NAPEPLD: variants seen among roughly 807,000 people sequenced by gnomAD.
NAPEPLD encodes the protein N-acyl phosphatidylethanolamine phospholipase D.
In NAPEPLD, 23 loss-of-function variants were observed where a neutral mutation model predicts 38.1. The observed-to-expected ratio is 0.60, with a 90% CI of 0.43 to 0.86. The LOEUF is 0.86. Among genes scored for constraint, NAPEPLD ranks in the 40% least tolerant of loss-of-function variants. NAPEPLD has a pLI of 0.00. For missense variants in NAPEPLD, 411 were observed against 476.8 expected (o/e 0.86, Z 1.28); for synonymous variants, 147 against 162.0 (o/e 0.91, Z 0.71).
At chr7:103,130,664 G>A (rs1236751314) in intron 1 of NAPEPLD, among the ~76,000 whole-genome samples, 3 of 151,968 alleles carry the variant, frequency 2.0e-5, no homozygotes, top group African/African-American at 4.8e-5. Flanking sequence ...GCTCAATCAC[G>A]GCTCATTGCA....
At chr7:103,117,789 T>G (rs1049266594) in intron 3 of NAPEPLD, among the ~76,000 whole-genome samples, 6 of 152,226 alleles carry the variant, frequency 3.9e-5, no homozygotes, top group African/African-American at 1.4e-4. Flanking sequence ...TAAATTTGGT[T>G]GTACATATTT....
At chr7:103,120,707 T>TTTC (rs1270646402) in intron 2 of NAPEPLD, among the ~76,000 whole-genome samples, 2 of 106,744 alleles carry the variant, frequency 1.9e-5, no homozygotes, top group South Asian at 3.4e-4. Context: ...TTTTCTTTTT[T>TTTC]TTTTTTTTTT....
chr7:103,148,282 C>G (rs576668506), intron 1 of NAPEPLD, among the ~76,000 whole-genome samples: 29 of 152,050 alleles, frequency 1.9e-4, no homozygotes, highest in African/African-American at 7.0e-4. Flanking sequence ...CATATTATAA[C>G]ATGTATATAT....
Position 103,128,655 on chromosome 7 carries a change from C to G in NAPEPLD, c.122G>C (p.Arg41Thr), listed in dbSNP as rs947585444. 16 of 1,614,008 alleles carry G rather than the reference C, an allele frequency of 9.9e-6. No homozygotes were observed. In the African/African-American group the frequency reaches 2.0e-4, roughly 20 times the overall value. Residue 41 changes from arginine (R) to threonine (T), a missense_variant, in exon 2 of 5, where the codon AGG (arginine) becomes ACG (threonine). Physicochemically the swap from Arg to Thr is moderately conservative, Grantham distance 71. Transcript: ENST00000465647. ...TCTATAATCCAGTTTGAAGCTTTTC[C>G]TAGAAAACCTAGAAGAATCACTTGC... is the stretch of plus-strand genomic sequence containing the variant. ...SGASDSSRFS[R>T]KSFKLDYRLE... is the part of the protein sequence containing the mutation.
intron 1 of NAPEPLD, chr7:103,129,187 C>A: frequency 2.4e-6 from 1 of 424,606 alleles, no homozygotes; most frequent in Non-Finnish European, 3.2e-6. Flanking sequence ...ATCGCTTGAA[C>A]CCTGGAGGTG....
At chr7:103,134,592 G>A (rs1394258916) in intron 1 of NAPEPLD, among the ~76,000 whole-genome samples, 1 of 152,156 alleles carries the variant, frequency 6.6e-6, no homozygotes, top group Non-Finnish European at 1.5e-5. Context: ...AGAGGTTGCA[G>A]TGAGCCGAGA....
chr7:103,119,230 A>C (rs924945507), intron 3 of NAPEPLD, among the ~76,000 whole-genome samples: 1 of 152,204 alleles, frequency 6.6e-6, no homozygotes, highest in African/African-American at 2.4e-5. Context: ...TTTTTAACTC[A>C]TATGACTATA....
chr7:103,145,207 A>C (rs1039078395), intron 1 of NAPEPLD, among the ~76,000 whole-genome samples: 2 of 152,340 alleles, frequency 1.3e-5, no homozygotes, highest in Admixed American at 6.5e-5. Flanking sequence ...GTGGCTAAGC[A>C]AAAGAAAAAA....
rs972506044 is a variant in NAPEPLD at position 103,148,705 on chromosome 7, G to A, written c.-17+106C>T. 16 of 639,920 alleles carry A rather than the reference G, an allele frequency of 2.5e-5. No individual in the cohort carries two copies. The African/African-American group carries it at 3.0e-4, about 12-fold the overall frequency. 39.6% of individuals were successfully genotyped at this position (639,920 alleles called of 1,614,324 possible). The stretch of plus-strand genomic sequence containing the variant: ...AAAATAAAAGGGGAGAAACCTGTTG[G>A]AATGGATTTTTAGAAGATAAACACT... On this transcript the variant is annotated intron_variant, in intron 1 of 4. Coordinates refer to ENST00000465647, the MANE Select transcript of NAPEPLD (RefSeq NM_001122838.3).
At chr7:103,135,084 C>T (rs775093259) in intron 1 of NAPEPLD, among the ~76,000 whole-genome samples, 6 of 152,110 alleles carry the variant, frequency 3.9e-5, no homozygotes, top group East Asian at 1.9e-4. Context: ...AATTATGAAG[C>T]GGCAAATCAT....
chr7:103,138,446 A>C (rs1810528426), intron 1 of NAPEPLD, among the ~76,000 whole-genome samples: 1 of 150,336 alleles, frequency 6.7e-6, no homozygotes, highest in Non-Finnish European at 1.5e-5. Flanking sequence ...TCCAGTTCCC[A>C]CTTTGACTCT....
In NAPEPLD at chr7:103,120,064, A is replaced by T. The variant is rs12540583; in HGVS notation, c.454T>A (p.Ser152Thr). The T allele has an allele frequency of 1.9e-6, 3 of 1,614,084 alleles. No individual in the cohort carries two copies. Among genetic ancestry groups the T allele is most frequent in the South Asian group, 1.1e-5 (1 of 91,074 alleles). ...ATGTACTGCGATGGTGAAGCACGAG[A>T]GCTAAAGATGGGATCCGTGAGAAAT... ...LIFLTDPIFS[S>T]RASPSQYMGP... The change falls in exon 3 of 5, where the codon TCT (serine) becomes ACT (threonine). Residue 152 changes from serine (S) to threonine (T), a missense_variant. Ser to Thr is a moderately conservative substitution (Grantham distance 58). Transcript: ENST00000465647.
rs189325083 is a variant in NAPEPLD at position 103,141,799 on chromosome 7, A to G, written c.-17+7012T>C. The G allele has an allele frequency of 3.8e-4, 336 of 885,628 alleles. No homozygotes were observed. The African/African-American group carries it at 4.6e-3, about 12-fold the overall frequency. The allele number at this position is 885,628 out of a possible 1,614,324, so 54.9% of individuals were successfully genotyped here. ...TCACAGGCTTGCGGATGATCAGCCCATCTTTGATCAGCTTCCGGATCTGCT... is the reference window on the plus strand; with the variant it reads ...TCACAGGCTTGCGGATGATCAGCCCGTCTTTGATCAGCTTCCGGATCTGCT... On this transcript the variant is annotated intron_variant, in intron 1 of 4. Transcript: ENST00000465647.
chr7:103,120,367 CT>C, intron 2 of NAPEPLD, 144 bp from the exon 3 acceptor site: 1 of 836,886 alleles, frequency 1.2e-6, no homozygotes, highest in Non-Finnish European at 1.8e-6. Flanking sequence ...TACACTTTTG[CT>C]TTTTTCTTGA....
chr7:103,128,942 A>G (rs1268380983), intron 1 of NAPEPLD, 150 bp from the exon 2 acceptor site: 7 of 847,940 alleles, frequency 8.3e-6, no homozygotes, highest in Non-Finnish European at 1.2e-5. Context: ...GCAAGGCACA[A>G]TTTTAGAATA....
At position 103,101,036 on chromosome 7, in the gene NAPEPLD, C is replaced by T. The variant is rs1204041136; in HGVS notation, c.*2393G>A. The T allele has an allele frequency of 6.6e-6, 1 of 152,138 alleles. No individual in the cohort carries two copies. The highest frequency in any genetic ancestry group is 1.5e-5 in the Non-Finnish European group (1 of 68,024). 9.4% of individuals were successfully genotyped at this position (152,138 alleles called of 1,614,324 possible). On this transcript the variant is annotated 3_prime_UTR_variant, in exon 5 of 5. Coordinates refer to ENST00000465647, the MANE Select transcript of NAPEPLD (RefSeq NM_001122838.3). ...ACGTGAATACAAAATAATGTTAAGGCCATTCATGGAGAAGAAATACTTAAG... is the reference window on the plus strand; with the variant it reads ...ACGTGAATACAAAATAATGTTAAGGTCATTCATGGAGAAGAAATACTTAAG...
At chr7:103,144,906 G>A (rs1268787634) in intron 1 of NAPEPLD, among the ~76,000 whole-genome samples, 1 of 152,122 alleles carries the variant, frequency 6.6e-6, no homozygotes, top group Non-Finnish European at 1.5e-5. Context: ...CAGCTACTCA[G>A]GAGGCTGAGG....
intron 1 of NAPEPLD, among the ~76,000 whole-genome samples, chr7:103,139,788 A>C (rs1284770282): frequency 1.3e-5 from 2 of 152,228 alleles, no homozygotes; most frequent in Non-Finnish European, 2.9e-5. Flanking sequence ...AACAAGGCCC[A>C]GGACATGACT....
At chr7:103,149,344 C>A, upstream of NAPEPLD, 1 of 1,151,360 alleles carries the variant, frequency 8.7e-7, no homozygotes, top group Non-Finnish European at 1.1e-6. Context: ...ACAGAGTCCC[C>A]GCGCAAAGCG....
Sources: allele counts gnomAD v4.1 joint callset (sites outside exome capture counted in the v4.1 genomes callset), GRCh38; gene constraint gnomAD v4.1.1; transcripts MANE v1.5; gene names NCBI Gene and HGNC (gene_info 2026-07-23, HGNC 2026-07-21).